The following DYNC1I1 variants were observed in gnomAD, a reference collection of about 807,000 sequenced individuals.
DYNC1I1 encodes the protein dynein cytoplasmic 1 intermediate chain 1, also known as cytoplasmic dynein 1 intermediate chain 1.
DYNC1I1 carries 43 observed loss-of-function variants against 86.6 expected under a neutral mutation model. The ratio of observed to expected loss-of-function variants is 0.50; its 90% CI spans 0.39 to 0.64. The LOEUF (loss-of-function observed/expected upper bound fraction) is 0.64. Among genes scored for constraint, DYNC1I1 ranks in the 30% least tolerant of loss-of-function variants. The probability of loss-of-function intolerance (pLI) is 0.00; values close to 1 mark genes in which losing one functional copy is unlikely to be tolerated. For synonymous variants in DYNC1I1, 262 were observed against 283.7 expected, an observed-to-expected ratio of 0.92 and a Z score of 0.77; for missense variants, 604 against 788.8, an observed-to-expected ratio of 0.77 and a Z score of 2.81.
At chr7:96,038,385 A>G (rs532045443) in intron 13 of DYNC1I1, among the ~76,000 whole-genome samples, 1 of 152,350 alleles carries the variant, frequency 6.6e-6, no homozygotes, top group East Asian at 1.9e-4. Flanking sequence ...TCCTAATTGT[A>G]TATGATTGCA....
chr7:95,793,619 T>C (rs1469197953), intron 1 of DYNC1I1, among the ~76,000 whole-genome samples: 1 of 152,160 alleles, frequency 6.6e-6, no homozygotes, highest in Non-Finnish European at 1.5e-5. Context: ...CTAGCAGATG[T>C]TGGTTGCACA....
chr7:95,982,168 G>A (rs922320583), intron 7 of DYNC1I1, among the ~76,000 whole-genome samples: 1 of 151,882 alleles, frequency 6.6e-6, no homozygotes, highest in Non-Finnish European at 1.5e-5. Flanking sequence ...AATTACTATG[G>A]CCCTATTTAA....
chr7:95,820,019 A>G (rs1795039725), intron 4 of DYNC1I1, among the ~76,000 whole-genome samples: 1 of 152,196 alleles, frequency 6.6e-6, no homozygotes, highest in Non-Finnish European at 1.5e-5. Flanking sequence ...GGGAAGTCCT[A>G]CATTTCTTAT....
intron 5 of DYNC1I1, among the ~76,000 whole-genome samples, chr7:95,854,317 T>G (rs1189618305): frequency 6.6e-6 from 1 of 152,148 alleles, no homozygotes; most frequent in African/African-American, 2.4e-5. Flanking sequence ...CTATAGGTTT[T>G]TGCTTTGTGG....
chr7:95,781,173 T>A (rs986868330), intron 1 of DYNC1I1, among the ~76,000 whole-genome samples: 1 of 152,102 alleles, frequency 6.6e-6, no homozygotes, highest in African/African-American at 2.4e-5. Flanking sequence ...CCAAACTAAA[T>A]CTCCCAATGC....
At chr7:96,078,411 G>A (rs888069987) in intron 15 of DYNC1I1, among the ~76,000 whole-genome samples, 6 of 152,006 alleles carry the variant, frequency 3.9e-5, no homozygotes, top group African/African-American at 7.2e-5. Context: ...ATTACTGATC[G>A]GATTAATGCA....
At chr7:95,922,585 C>A (rs778335644) in intron 6 of DYNC1I1, among the ~76,000 whole-genome samples, 10 of 152,018 alleles carry the variant, frequency 6.6e-5, no homozygotes, top group Non-Finnish European at 1.3e-4. Context: ...CAGACTTCCC[C>A]ACACTTTTAT....
intron 1 of DYNC1I1, among the ~76,000 whole-genome samples, chr7:95,778,962 C>A (rs1419482875): frequency 1.3e-5 from 2 of 152,144 alleles, no homozygotes; most frequent in East Asian, 3.9e-4. Context: ...TTGCACCTGA[C>A]CCCAGCAAGT....
At chr7:95,872,723 G>T (rs568885177) in intron 6 of DYNC1I1, among the ~76,000 whole-genome samples, 1 of 152,252 alleles carries the variant, frequency 6.6e-6, no homozygotes, top group South Asian at 2.1e-4. Context: ...GGGAAAGAAG[G>T]CCAAGAATGG....
At chr7:96,037,916 A>AG (rs1203909025) in intron 13 of DYNC1I1, among the ~76,000 whole-genome samples, 3 of 152,160 alleles carry the variant, frequency 2.0e-5, no homozygotes, top group Admixed American at 6.6e-5. Context: ...GGGGAGAAGC[A>AG]GGGGATTGCT....
chr7:95,957,802 C>T (rs1469328020), intron 6 of DYNC1I1, among the ~76,000 whole-genome samples: 1 of 152,148 alleles, frequency 6.6e-6, no homozygotes, highest in East Asian at 1.9e-4. Context: ...GTGAAGAGCT[C>T]CATCCCCAGG....
intron 10 of DYNC1I1, among the ~76,000 whole-genome samples, chr7:96,009,497 A>G (rs1794221041): frequency 6.6e-6 from 1 of 152,198 alleles, no homozygotes; most frequent in Admixed American, 6.5e-5. Context: ...ATATTCCATG[A>G]AGAAGGAGAC....
At chr7:96,081,235 G>A (rs939360671) in intron 16 of DYNC1I1, among the ~76,000 whole-genome samples, 1 of 151,418 alleles carries the variant, frequency 6.6e-6, no homozygotes, top group Admixed American at 6.6e-5. Flanking sequence ...GCCACTTGGT[G>A]GTATTCAAAT....
At chr7:95,813,093 C>CTTTTTTTTT (rs11452827) in intron 3 of DYNC1I1, 154 bp from the exon 4 acceptor site, 9 of 1,114,300 alleles carry the variant, frequency 8.1e-6, no homozygotes, top group East Asian at 3.2e-5. Context: ...CTTTTCTTTC[C>CTTTTTTTTT]TTTTTTTTTT....
chr7:96,001,584 A>C (rs949394404), intron 10 of DYNC1I1, among the ~76,000 whole-genome samples: 6 of 152,218 alleles, frequency 3.9e-5, no homozygotes, highest in Non-Finnish European at 8.8e-5. Context: ...TCAGTATTTT[A>C]ATAACTGGTA....
At chr7:95,937,268 C>A (rs1274772355) in intron 6 of DYNC1I1, among the ~76,000 whole-genome samples, 1 of 146,780 alleles carries the variant, frequency 6.8e-6, no homozygotes, top group African/African-American at 2.4e-5. Context: ...TATAGTTAAC[C>A]ATAGTATATT....
intron 11 of DYNC1I1, among the ~76,000 whole-genome samples, chr7:96,032,035 G>A (rs905609747): frequency 6.6e-6 from 1 of 152,052 alleles, no homozygotes; most frequent in African/African-American, 2.4e-5. Flanking sequence ...ACTGCAAACG[G>A]TATTTTGAAA....
chr7:95,815,126 C>A (rs1311775043), intron 4 of DYNC1I1, among the ~76,000 whole-genome samples: 4 of 151,970 alleles, frequency 2.6e-5, no homozygotes, highest in African/African-American at 4.8e-5. Flanking sequence ...GTTGAGGAGC[C>A]CTTTGGAAAA....
downstream of DYNC1I1, among the ~76,000 whole-genome samples, chr7:96,103,020 A>C (rs977504043): frequency 6.6e-6 from 1 of 152,180 alleles, no homozygotes; most frequent in Non-Finnish European, 1.5e-5. Context: ...GGATGTACAG[A>C]ACCAGAAGGC....
Sources: allele counts gnomAD v4.1 joint callset (sites outside exome capture counted in the v4.1 genomes callset), GRCh38; gene constraint gnomAD v4.1.1; transcripts MANE v1.5; gene names NCBI Gene and HGNC (gene_info 2026-07-23, HGNC 2026-07-21).